The following CCDC15 variants were observed in gnomAD, a reference collection of about 807,000 sequenced individuals.
CCDC15 encodes the protein coiled-coil domain-containing protein 15.
Under a neutral mutation model 114.5 loss-of-function variants are expected in CCDC15, and 105 were observed. That is an observed-to-expected ratio of 0.92 (90% CI 0.78 to 1.08). CCDC15 has a LOEUF of 1.08. Among genes scored for constraint, CCDC15 ranks in the 50% least tolerant of loss-of-function variants. The pLI is 0.00. For missense variants in CCDC15, 1,105 were observed against 1,093.6 expected, an observed-to-expected ratio of 1.01 and a Z score of -0.15; for synonymous variants, 334 against 377.8, an observed-to-expected ratio of 0.88 and a Z score of 1.34.
intron 13 of CCDC15, among the ~76,000 whole-genome samples, chr11:125,024,967 T>A (rs1565381958): frequency 6.8e-6 from 1 of 147,042 alleles, no homozygotes; most frequent in Admixed American, 6.9e-5. Flanking sequence ...GAATTTTTTT[T>A]ATCAAGAATG....
chr11:125,025,253 A>T (rs535077540), intron 13 of CCDC15, among the ~76,000 whole-genome samples: 10 of 150,120 alleles, frequency 6.7e-5, no homozygotes, highest in Non-Finnish European at 1.3e-4. Flanking sequence ...TCCTGGGTAC[A>T]CCCATTTGGT....
intron 6 of CCDC15, 42 bp from the exon 7 acceptor site, chr11:124,986,700 T>TGTGCGCGCGC (rs878887902): frequency 4.1e-5 from 56 of 1,352,938 alleles, no homozygotes; most frequent in African/African-American, 3.6e-4. Context: ...TTTGTGTGTG[T>TGTGCGCGCGC]GCGCGCGCGC....
intron 13 of CCDC15, among the ~76,000 whole-genome samples, chr11:125,018,935 C>T (rs1209778732): frequency 6.6e-6 from 1 of 151,860 alleles, no homozygotes; most frequent in Non-Finnish European, 1.5e-5. Flanking sequence ...ACAGGAATTC[C>T]AGGCAAAAGG....
At chr11:124,994,105 G>A (rs1484269285) in intron 11 of CCDC15, among the ~76,000 whole-genome samples, 1 of 152,180 alleles carries the variant, frequency 6.6e-6, no homozygotes, top group African/African-American at 2.4e-5. Flanking sequence ...TCACTACTGT[G>A]ATACCCCTGC....
chr11:124,962,016 A>G (rs1947670257), intron 4 of CCDC15, among the ~76,000 whole-genome samples: 1 of 152,192 alleles, frequency 6.6e-6, no homozygotes, highest in Admixed American at 6.5e-5. Flanking sequence ...AAGATTTTTT[A>G]AAGTTTTTAT....
chr11:125,035,100 G>T (rs1247613578), intron 13 of CCDC15, among the ~76,000 whole-genome samples: 1 of 152,108 alleles, frequency 6.6e-6, no homozygotes, highest in Non-Finnish European at 1.5e-5. Context: ...AAAGATGTAG[G>T]CTGGGAGGCT....
intron 13 of CCDC15, among the ~76,000 whole-genome samples, chr11:125,036,042 T>A (rs1948772573): frequency 6.8e-6 from 1 of 147,964 alleles, no homozygotes; most frequent in Non-Finnish European, 1.5e-5. Flanking sequence ...TGATATTCTG[T>A]CTTTTTGTGT....
At chr11:124,960,131 C>A in intron 4 of CCDC15, 128 bp downstream of exon 4, 3 of 517,588 alleles carry the variant, frequency 5.8e-6, no homozygotes, top group Non-Finnish European at 8.5e-6. Flanking sequence ...TGATAATCAT[C>A]CCCCTTTTTT....
chr11:125,013,017 G>A (rs1948604922), intron 13 of CCDC15, among the ~76,000 whole-genome samples: 1 of 152,154 alleles, frequency 6.6e-6, no homozygotes, highest in South Asian at 2.1e-4. Context: ...ATAGCATTAA[G>A]TGGAGAAATG....
At chr11:124,960,791 G>A (rs1222705572) in intron 4 of CCDC15, among the ~76,000 whole-genome samples, 2 of 152,194 alleles carry the variant, frequency 1.3e-5, no homozygotes, top group African/African-American at 4.8e-5. Flanking sequence ...GTATACCTGA[G>A]CTTTTGTCCA....
At position 124,975,183 on chromosome 11, in the gene CCDC15, G is replaced by T; in HGVS notation, c.604G>T (p.Gly202Ter). The T allele has an allele frequency of 6.3e-7, 1 of 1,590,260 alleles. No homozygotes were observed. The highest frequency in any genetic ancestry group is 8.5e-7 in the Non-Finnish European group (1 of 1,170,120). ...KKKGSVFPDD[G>*]RKSFLTREEV... ...AAAGGGATCAGTGTTTCCAGATGAT[G>T]GAAGGAAAAGCTTTCTTACCAGAGA... Residue 202 changes from glycine (G) to a stop codon, truncating the protein, a stop_gained, in exon 5 of 16, where the codon GGA becomes TGA. Coordinates refer to ENST00000344762, the MANE Select transcript of CCDC15 (RefSeq NM_025004.3). LOFTEE classifies it high-confidence loss of function.
intron 11 of CCDC15, among the ~76,000 whole-genome samples, chr11:124,994,492 A>G (rs1176011243): frequency 3.9e-5 from 6 of 152,178 alleles, no homozygotes; most frequent in Admixed American, 6.5e-5. Context: ...TTGAAAAACT[A>G]TATTTTAGAT....
intron 4 of CCDC15, among the ~76,000 whole-genome samples, chr11:124,962,983 C>T (rs954010433): frequency 2.6e-5 from 4 of 152,198 alleles, no homozygotes; most frequent in Non-Finnish European, 5.9e-5. Flanking sequence ...ATGAACTCAT[C>T]CTTTTTTATG....
At chr11:124,982,044 C>T (rs1309588404) in intron 6 of CCDC15, among the ~76,000 whole-genome samples, 1 of 151,948 alleles carries the variant, frequency 6.6e-6, no homozygotes, top group Non-Finnish European at 1.5e-5. Context: ...TTATGTAATA[C>T]CCTTCTTTGT....
chr11:125,001,667 C>T (rs183072725), intron 11 of CCDC15, among the ~76,000 whole-genome samples: 2 of 152,294 alleles, frequency 1.3e-5, no homozygotes, highest in East Asian at 1.9e-4. Flanking sequence ...TGTGGCCTTT[C>T]GTGACTGGCT....
intron 8 of CCDC15, 96 bp downstream of exon 8, chr11:124,988,230 C>T (rs755904479): frequency 3.1e-6 from 4 of 1,293,814 alleles, no homozygotes; most frequent in Non-Finnish European, 4.2e-6. Flanking sequence ...CTTGGAGATA[C>T]TGTGGGTTCA....
intron 13 of CCDC15, among the ~76,000 whole-genome samples, chr11:125,032,335 G>T (rs114881541): frequency 0.036 from 5,438 of 152,344 alleles, 136 homozygotes; most frequent in Middle Eastern, 0.092. Flanking sequence ...CAGGAGTGGA[G>T]AAAAAGGCAT....
chr11:124,990,637 A>G (rs1440002579), intron 8 of CCDC15, among the ~76,000 whole-genome samples: 1 of 152,268 alleles, frequency 6.6e-6, no homozygotes, highest in Non-Finnish European at 1.5e-5. Flanking sequence ...AAGTATTACC[A>G]GCAGCATATT....
chr11:124,967,630 C>A (rs1311039329), intron 4 of CCDC15, among the ~76,000 whole-genome samples: 1 of 152,244 alleles, frequency 6.6e-6, no homozygotes, highest in Non-Finnish European at 1.5e-5. Flanking sequence ...AAGCCTACTT[C>A]TGCCAACTAG....
Sources: gnomAD v4.1 joint callset for allele counts (sites outside exome capture counted in the v4.1 genomes callset) on GRCh38, gnomAD v4.1.1 for gene constraint, MANE v1.5 for transcripts, NCBI Gene and HGNC (gene_info 2026-07-23, HGNC 2026-07-21) for gene names.